Variants in LINGO2 observed in about 807,000 individuals in gnomAD.
LINGO2 encodes leucine rich repeat and Ig domain containing 2.
A neutral mutation model predicts 30.6 loss-of-function variants in LINGO2; 14 were observed. The observed-to-expected ratio is 0.46, with a 90% CI of 0.30 to 0.72. The LOEUF is 0.72. Among genes scored for constraint, LINGO2 ranks in the 30% least tolerant of loss-of-function variants. The pLI is 0.07. For missense variants in LINGO2, 729 were observed against 751.7 expected (o/e 0.97, Z 0.35); for synonymous variants, 317 against 288.5 (o/e 1.10, Z -1.00).
chr9:28,338,867 C>A (rs1187959610), intron 3 of LINGO2, among the ~76,000 whole-genome samples: 1 of 152,028 alleles, frequency 6.6e-6, no homozygotes, highest in Admixed American at 6.6e-5. Flanking sequence ...TCTAGGGTAA[C>A]TTTATTAGCA....
chr9:28,910,036 C>A, the LINGO2 span, among the ~76,000 whole-genome samples: 1 of 151,932 alleles, frequency 6.6e-6, no homozygotes, highest in Non-Finnish European at 1.5e-5. Flanking sequence ...TTAACTTTAA[C>A]AAGGCCATGA....
chr9:28,578,180 T>A (rs1013703447), intron 1 of LINGO2, among the ~76,000 whole-genome samples: 5 of 152,136 alleles, frequency 3.3e-5, no homozygotes, highest in African/African-American at 1.2e-4. Context: ...AGGGTCTTGC[T>A]GCCAGGCTAA....
intron 1 of LINGO2, among the ~76,000 whole-genome samples, chr9:28,638,526 C>G (rs923116895): frequency 6.6e-6 from 1 of 152,114 alleles, no homozygotes; most frequent in African/African-American, 2.4e-5. Flanking sequence ...AGAGATTCAA[C>G]TGCTTCCTGG....
At chr9:28,006,370 A>T (rs140645512) in intron 5 of LINGO2, among the ~76,000 whole-genome samples, 1 of 152,166 alleles carries the variant, frequency 6.6e-6, no homozygotes, top group Non-Finnish European at 1.5e-5. Context: ...TAGTGGGGCT[A>T]TCAGAGGGAG....
the LINGO2 span, among the ~76,000 whole-genome samples, chr9:28,699,300 C>T: frequency 6.6e-6 from 1 of 151,972 alleles, no homozygotes; most frequent in East Asian, 1.9e-4. Context: ...AGTCAGGGAC[C>T]CCGAATGAAG....
At chr9:29,071,509 A>ATATATAT in the LINGO2 span, among the ~76,000 whole-genome samples, 2 of 87,226 alleles carry the variant, frequency 2.3e-5, no homozygotes, top group African/African-American at 8.9e-5. Context: ...ATATATATAT[A>ATATATAT]TATATATATG....
intron 4 of LINGO2, among the ~76,000 whole-genome samples, chr9:28,152,878 C>A (rs1828038493): frequency 1.3e-5 from 2 of 152,004 alleles, no homozygotes; most frequent in Non-Finnish European, 2.9e-5. Context: ...TAATAAAAAT[C>A]AAAATCACCT....
the LINGO2 span, among the ~76,000 whole-genome samples, chr9:29,028,281 T>C: frequency 6.6e-6 from 1 of 152,090 alleles, no homozygotes; most frequent in Non-Finnish European, 1.5e-5. Context: ...TCATATAAAA[T>C]ATATAGAATA....
chr9:28,866,810 C>A, the LINGO2 span, among the ~76,000 whole-genome samples: 1 of 152,140 alleles, frequency 6.6e-6, no homozygotes, highest in Admixed American at 6.6e-5. Flanking sequence ...TTTAATTGGG[C>A]TCCAACTAGG....
intron 3 of LINGO2, among the ~76,000 whole-genome samples, chr9:28,304,416 AGAGAGT>A (rs1328209769): frequency 2.0e-5 from 3 of 151,850 alleles, no homozygotes; most frequent in Non-Finnish European, 4.4e-5. Flanking sequence ...TACAATTTAC[AGAGAGT>A]GAAACATAAG....
the LINGO2 span, among the ~76,000 whole-genome samples, chr9:29,118,639 G>A: frequency 1.3e-5 from 2 of 152,158 alleles, no homozygotes; most frequent in South Asian, 2.1e-4. Context: ...CCCAGCTACA[G>A]ATCAAAAGCA....
In LINGO2 at chr9:28,062,689, G is replaced by A. The variant is rs192417080; in HGVS notation, c.-86-50284C>T. 3.9e-3 allele frequency among the ~76,000 whole-genome samples: 535 copies of A among 135,970 alleles called. 1 individual carries two copies. The highest frequency in any genetic ancestry group is 0.014 in the African/African-American group (514 of 36,186). The allele number at this position is 135,970 out of a possible 152,430, so 89.2% of individuals were successfully genotyped here. The stretch of plus-strand genomic sequence containing the variant: ...ATACAAAATCAAATATATATATTTT[G>A]TATATATATATACAAAATTTCTAAA... On this transcript the variant is annotated intron_variant, in intron 4 of 5. Transcript: ENST00000379992.
intron 4 of LINGO2, among the ~76,000 whole-genome samples, chr9:28,279,792 G>A (rs1823255191): frequency 6.6e-6 from 1 of 151,854 alleles, no homozygotes; most frequent in Admixed American, 6.6e-5. Flanking sequence ...TGTAAACTCT[G>A]GCACCCACCC....
intron 2 of LINGO2, among the ~76,000 whole-genome samples, chr9:28,421,357 C>T (rs1823188311): frequency 6.6e-6 from 1 of 151,324 alleles, no homozygotes; most frequent in Non-Finnish European, 1.5e-5. Context: ...GTCAACACTG[C>T]CCAAAGCAAT....
chr9:28,109,556 A>G (rs565552267), intron 4 of LINGO2, among the ~76,000 whole-genome samples: 23 of 152,218 alleles, frequency 1.5e-4, no homozygotes, highest in Non-Finnish European at 3.2e-4. Context: ...GTCTCAGGAT[A>G]CAAAATCAAT....
the LINGO2 span, among the ~76,000 whole-genome samples, chr9:28,959,587 A>ATCTCTTTCTCTC: frequency 3.7e-5 from 4 of 107,532 alleles, no homozygotes; most frequent in Admixed American, 1.8e-4. Flanking sequence ...CTTTTCTTTT[A>ATCTCTTTCTCTC]TCTCTCTCTC....
the LINGO2 span, among the ~76,000 whole-genome samples, chr9:28,981,189 C>T: frequency 6.6e-6 from 1 of 152,216 alleles, no homozygotes; most frequent in African/African-American, 2.4e-5. Flanking sequence ...GTTCAGTCCA[C>T]CCTTCAAAGA....
At chr9:28,961,115 T>C in the LINGO2 span, among the ~76,000 whole-genome samples, 1 of 152,176 alleles carries the variant, frequency 6.6e-6, no homozygotes. Flanking sequence ...GAAATCCAGC[T>C]ATATACTGTA....
At chr9:28,816,321 G>C in the LINGO2 span, among the ~76,000 whole-genome samples, 3 of 152,078 alleles carry the variant, frequency 2.0e-5, no homozygotes, top group Non-Finnish European at 4.4e-5. Context: ...ATTTTGCCAG[G>C]GGCAGCAGCC....
Sources: gnomAD v4.1 joint callset for allele counts (sites outside exome capture counted in the v4.1 genomes callset) on GRCh38, gnomAD v4.1.1 for gene constraint, MANE v1.5 for transcripts, NCBI Gene and HGNC (gene_info 2026-07-23, HGNC 2026-07-21) for gene names.